Variants in MKX observed in about 807,000 individuals in gnomAD.
MKX encodes homeobox protein Mohawk.
Under a neutral mutation model 36.0 loss-of-function variants are expected in MKX, and 13 were observed. The observed-to-expected ratio is 0.36, with a 90% CI of 0.24 to 0.57. The LOEUF is 0.57. MKX is among the 20% of genes least tolerant of loss of function. MKX has a pLI of 0.79. For synonymous variants in MKX, 176 were observed against 178.3 expected (o/e 0.99, Z 0.10); for missense variants, 458 against 456.4 (o/e 1.00, Z -0.03).
At chr10:27,703,519 G>GA (rs9335643) in intron 5 of MKX, among the ~76,000 whole-genome samples, 113,608 of 148,908 alleles carry the variant, frequency 0.76, 43,424 homozygotes, top group Admixed American at 0.82. Context: ...GACATCTATG[G>GA]AAAAAAAAAA....
intron 5 of MKX, among the ~76,000 whole-genome samples, chr10:27,723,204 G>GA (rs1446416243): frequency 2.6e-5 from 4 of 151,982 alleles, no homozygotes; most frequent in Non-Finnish European, 5.9e-5. Context: ...ACAGTTGAAA[G>GA]AAAAAAAGTG....
rs181448983 is a variant in MKX at position 27,677,661 on chromosome 10, G to A, written c.839-2107C>T. Among the ~76,000 whole-genome samples the A allele has an allele frequency of 9.2e-5, 14 of 152,260 alleles. 1 individual carries two copies. The East Asian group carries it at 9.6e-4, about 10-fold the overall frequency. On this transcript the variant is annotated intron_variant, in intron 5 of 6. Transcript: ENST00000419761. The stretch of plus-strand genomic sequence containing the variant: ...CTGAGCTCTTTTCACAACCCTTCAC[G>A]TAAGGAACTTAAATAAACAAGGCGA...
intron 5 of MKX, among the ~76,000 whole-genome samples, chr10:27,694,779 A>G (rs1012621136): frequency 3.3e-5 from 5 of 151,956 alleles, no homozygotes; most frequent in African/African-American, 1.2e-4. Context: ...AATGAGAAAC[A>G]GATAGTAGTT....
intron 1 of MKX, 56 bp from the exon 2 acceptor site, chr10:27,743,553 C>T (rs1834970947): frequency 3.1e-6 from 3 of 962,796 alleles, no homozygotes; most frequent in Non-Finnish European, 4.3e-6. Flanking sequence ...CAGACCCCTG[C>T]AGGTTCAGGG....
At position 27,734,804 on chromosome 10, in the gene MKX, A is replaced by G. The variant is rs755604261; in HGVS notation, c.503-13T>C. The stretch of plus-strand genomic sequence containing the variant: ...GGATTTTCTCCATCTAAAGTGGAAC[A>G]GTATCACTAAGTAGGGTGGTATGCA... On this transcript the variant is annotated splice_polypyrimidine_tract_variant and intron_variant, in intron 4 of 6. Coordinates refer to ENST00000419761, the MANE Select transcript of MKX (RefSeq NM_173576.3). The G allele has an allele frequency of 1.6e-5, 25 of 1,586,674 alleles. No individual in the cohort carries two copies. The highest frequency in any genetic ancestry group is 2.1e-5 in the Non-Finnish European group (25 of 1,162,996).
In MKX at chr10:27,734,737, A is replaced by C; in HGVS notation, c.557T>G (p.Val186Gly). ...CTCACTTTTAATCACAGGATGGTGA[A>C]CTGGGGTATTATAGCCCCCTTCGTT... ...HMNEGGYNTP[V>G]HHPVIKSENS... Residue 186 changes from valine to glycine, a missense_variant, in exon 5 of 7, where the codon GTT (valine) becomes GGT (glycine). Val to Gly is a moderately radical substitution (Grantham distance 109, BLOSUM62 -3). This residue lies in a region of MKX where 297 missense variants were observed against 304.4 expected (regional missense o/e 0.98). Transcript: ENST00000419761. 1 of 1,614,122 alleles carries C rather than the reference A, an allele frequency of 6.2e-7. No homozygotes were observed. Among genetic ancestry groups the C allele is most frequent in the Non-Finnish European group, 8.5e-7 (1 of 1,180,020 alleles).
intron 5 of MKX, among the ~76,000 whole-genome samples, chr10:27,717,585 C>T (rs1400723576): frequency 6.6e-6 from 1 of 152,194 alleles, no homozygotes. Flanking sequence ...GTGGAGATGA[C>T]ATTGCCCATC....
At chr10:27,678,857 T>C (rs1188019357) in intron 5 of MKX, among the ~76,000 whole-genome samples, 4 of 152,224 alleles carry the variant, frequency 2.6e-5, no homozygotes, top group African/African-American at 7.2e-5. Context: ...TATAAAATTC[T>C]GCTTACTCTT....
At chr10:27,713,983 C>T (rs1053150076) in intron 5 of MKX, among the ~76,000 whole-genome samples, 2 of 118,668 alleles carry the variant, frequency 1.7e-5, no homozygotes, top group African/African-American at 6.1e-5. Context: ...CCTCTGTAGG[C>T]GAGTACAGCA....
chr10:27,727,021 C>CAGTG (rs1283597982), intron 5 of MKX, among the ~76,000 whole-genome samples: 13 of 152,076 alleles, frequency 8.5e-5, no homozygotes, highest in Admixed American at 8.5e-4. Flanking sequence ...ATATACAAGG[C>CAGTG]AGTGAGAGCC....
rs1834400303 is a variant in MKX at position 27,722,467 on chromosome 10, C to A, written c.838+11989G>T. Among the ~76,000 whole-genome samples, 3 of 152,218 alleles carry A rather than the reference C, an allele frequency of 2.0e-5. 1 individual carries two copies. In the South Asian group the frequency reaches 6.2e-4, roughly 31 times the overall value. The stretch of plus-strand genomic sequence containing the variant: ...GAGATGTAAGGTACTTATGGATTAT[C>A]TTGTCATACATCTTCGTTTTACAGC... On this transcript the variant is annotated intron_variant, in intron 5 of 6. Transcript: ENST00000419761.
At chr10:27,675,754 T>C (rs578090842) in intron 5 of MKX, among the ~76,000 whole-genome samples, 200 bp from the exon 6 acceptor site, 2 of 152,112 alleles carry the variant, frequency 1.3e-5, no homozygotes, top group African/African-American at 4.8e-5. Flanking sequence ...TGACAGTGGG[T>C]AGTAAAGAAT....
chr10:27,684,464 G>T (rs573358253), intron 5 of MKX, among the ~76,000 whole-genome samples: 16 of 152,164 alleles, frequency 1.1e-4, no homozygotes, highest in Admixed American at 2.0e-4. Flanking sequence ...GGCAATCAGG[G>T]ATAACTAATA....
At chr10:27,682,187 A>G (rs559796302) in intron 5 of MKX, among the ~76,000 whole-genome samples, 2 of 152,220 alleles carry the variant, frequency 1.3e-5, no homozygotes, top group African/African-American at 2.4e-5. Flanking sequence ...AAAAATTTTA[A>G]TAACAGGAAA....
chr10:27,710,642 G>C (rs74566820), intron 5 of MKX, among the ~76,000 whole-genome samples: 3,310 of 152,130 alleles, frequency 0.022, 126 homozygotes, highest in African/African-American at 0.075. Flanking sequence ...ATTTCTGCTA[G>C]TTTTTAATTT....
At chr10:27,743,735 C>T (rs1589703440) in intron 1 of MKX, among the ~76,000 whole-genome samples, 1 of 152,300 alleles carries the variant, frequency 6.6e-6, no homozygotes, top group East Asian at 1.9e-4. Flanking sequence ...CCCCCAATCC[C>T]TTCACTCCCC....
At chr10:27,721,661 T>C (rs1348977766) in intron 5 of MKX, among the ~76,000 whole-genome samples, 1 of 151,768 alleles carries the variant, frequency 6.6e-6, no homozygotes, top group Non-Finnish European at 1.5e-5. Flanking sequence ...TCAGGAAAAA[T>C]AGCTAAAGCA....
intron 5 of MKX, among the ~76,000 whole-genome samples, chr10:27,687,207 T>C (rs1478947211): frequency 1.3e-5 from 2 of 152,130 alleles, no homozygotes; most frequent in African/African-American, 4.8e-5. Context: ...GGTTTCACTA[T>C]GTTGGTCAGG....
At position 27,698,134 on chromosome 10, in the gene MKX, T is replaced by C. The variant is rs1473169767; in HGVS notation, c.839-22580A>G. On this transcript the variant is annotated intron_variant, in intron 5 of 6. Transcript: ENST00000419761. ...ATGTCTTGACTCCTCTGGGAAAGTG[T>C]TTGAGTTTTTGTTTGAGCTGAAATA... 2.0e-5 allele frequency among the ~76,000 whole-genome samples: 3 copies of C among 151,984 alleles called. No individual in the cohort carries two copies. The East Asian group carries it at 5.8e-4, about 29-fold the overall frequency.
Sources: allele counts gnomAD v4.1 joint callset (sites outside exome capture counted in the v4.1 genomes callset), GRCh38; gene constraint gnomAD v4.1.1; regional missense constraint gnomAD v4.1.1; transcripts MANE v1.5; gene names NCBI Gene and HGNC (gene_info 2026-07-23, HGNC 2026-07-21).